The following CADPS variants were observed in gnomAD, a reference collection of about 807,000 sequenced individuals.
CADPS encodes calcium dependent secretion activator, also known as calcium-dependent secretion activator 1.
A neutral mutation model predicts 167.3 loss-of-function variants in CADPS; 57 were observed. That is an observed-to-expected ratio of 0.34 (90% CI 0.28 to 0.42). The LOEUF is 0.42. CADPS is among the 20% of genes least tolerant of loss of function. The probability of loss-of-function intolerance (pLI) is 1.00; values close to 1 mark genes in which losing one functional copy is unlikely to be tolerated. For missense variants in CADPS, 1,414 were observed against 1,738.1 expected, an observed-to-expected ratio of 0.81 and a Z score of 3.32; for synonymous variants, 676 against 635.3, an observed-to-expected ratio of 1.06 and a Z score of -0.96.
chr3:62,478,249 A>G lies in CADPS; in HGVS notation c.3329+12T>C. ...GAGGGTGTGCAGAACCTGTCCAGCC[A>G]CCTATACTTACCTTTTGACACAAGA... On this transcript the variant is annotated intron_variant, in intron 23 of 29. Coordinates refer to ENST00000383710, the MANE Select transcript of CADPS (RefSeq NM_003716.4). The surrounding 1 kb of genome is among the most constrained non-coding windows in gnomAD (Gnocchi z 5.7). 1 of 1,613,406 alleles carries G rather than the reference A, an allele frequency of 6.2e-7. No homozygotes were observed. Among genetic ancestry groups the G allele is most frequent in the Non-Finnish European group, 8.5e-7 (1 of 1,179,726 alleles).
At chr3:62,810,724 G>A (rs189832585) in intron 1 of CADPS, among the ~76,000 whole-genome samples, 5 of 152,330 alleles carry the variant, frequency 3.3e-5, no homozygotes, top group African/African-American at 1.2e-4. Flanking sequence ...TCACTCTTGA[G>A]TGTCTTTGTT....
chr3:62,618,934 A>G (rs1277982706), intron 6 of CADPS, among the ~76,000 whole-genome samples: 3 of 152,224 alleles, frequency 2.0e-5, no homozygotes, highest in Non-Finnish European at 4.4e-5. Flanking sequence ...GGATTGTTGT[A>G]TAATAATCTT....
intron 3 of CADPS, among the ~76,000 whole-genome samples, chr3:62,694,454 C>A (rs1251300184): frequency 1.3e-5 from 2 of 152,032 alleles, no homozygotes; most frequent in East Asian, 1.9e-4. Context: ...GAGACCAACA[C>A]TGAGTCCTTA....
chr3:62,778,433 T>C (rs1483942039), intron 1 of CADPS, among the ~76,000 whole-genome samples: 2 of 152,236 alleles, frequency 1.3e-5, no homozygotes, highest in African/African-American at 4.8e-5. Flanking sequence ...CCCTTCACTT[T>C]CTTCACTTGG....
chr3:62,810,879 A>C (rs543103329), intron 1 of CADPS, among the ~76,000 whole-genome samples: 1 of 152,240 alleles, frequency 6.6e-6, no homozygotes. Flanking sequence ...AGAGCTGTGC[A>C]CAAAGCACAA....
Position 62,442,783 on chromosome 3 carries a change from T to G in CADPS, c.3669+2982A>C, listed in dbSNP as rs531621480. Among the ~76,000 whole-genome samples the G allele has an allele frequency of 2.4e-4, 37 of 152,262 alleles. No homozygotes were observed. In the South Asian group the frequency reaches 7.3e-3, roughly 30 times the overall value. ...CACTCTGCTTATTCACCAGGTGACC[T>G]TGGGCATGCTAATTAACCTCTTTGT... On this transcript the variant is annotated intron_variant, in intron 27 of 29. Transcript: ENST00000383710.
rs1008618776 is a variant in CADPS at position 62,487,207 on chromosome 3, T to C, written c.3026+4132A>G. ...TAAGTAAAGATTGAGTGACCATCTG[T>C]CAGGGAAAAGGTAGTAGGCAAGGGT... On this transcript the variant is annotated intron_variant, in intron 21 of 29. Coordinates refer to ENST00000383710, the MANE Select transcript of CADPS (RefSeq NM_003716.4). Among the ~76,000 whole-genome samples, 36 of 152,302 alleles carry C rather than the reference T, an allele frequency of 2.4e-4. 2 individuals carry two copies. The highest frequency in any genetic ancestry group is 4.6e-4 in the Non-Finnish European group (31 of 68,020).
chr3:62,472,530 G>C (rs567758774), intron 24 of CADPS, among the ~76,000 whole-genome samples: 1 of 152,186 alleles, frequency 6.6e-6, no homozygotes, highest in Non-Finnish European at 1.5e-5. Context: ...AGCAGCTTAG[G>C]TGGGTGGTGG....
chr3:62,665,864 T>A (rs531332366), intron 3 of CADPS, among the ~76,000 whole-genome samples: 2 of 152,196 alleles, frequency 1.3e-5, no homozygotes, highest in Non-Finnish European at 2.9e-5. Context: ...GAGGTTGTCA[T>A]GAGAATCAAC....
At chr3:62,798,661 A>G (rs1460962743) in intron 1 of CADPS, among the ~76,000 whole-genome samples, 1 of 148,282 alleles carries the variant, frequency 6.7e-6, no homozygotes, top group African/African-American at 2.6e-5. Flanking sequence ...TCATCTTTTA[A>G]AGTTCAGCCC....
intron 13 of CADPS, chr3:62,530,643 T>A: frequency 1.6e-5 from 21 of 1,282,280 alleles, no homozygotes; most frequent in Non-Finnish European, 2.1e-5. Flanking sequence ...AATACACACA[T>A]AACTTCTTAC....
chr3:62,804,479 G>C (rs1260758551), intron 1 of CADPS, among the ~76,000 whole-genome samples: 2 of 152,086 alleles, frequency 1.3e-5, no homozygotes, highest in Non-Finnish European at 2.9e-5. Context: ...TTGAAGGACA[G>C]CCCTTATTTA....
chr3:62,492,156 G>T (rs73092144), intron 20 of CADPS, 134 bp downstream of exon 20: 9 of 731,860 alleles, frequency 1.2e-5, no homozygotes, highest in African/African-American at 1.8e-5. Flanking sequence ...TTTCTTTTTG[G>T]GGGGTGGGGT....
chr3:62,467,422 T>G (rs2060069519), intron 24 of CADPS: 1 of 528,960 alleles, frequency 1.9e-6, no homozygotes, highest in Non-Finnish European at 2.8e-6. Flanking sequence ...TATTCAAAAG[T>G]CTATGTAAAC....
intron 1 of CADPS, among the ~76,000 whole-genome samples, chr3:62,804,074 C>T (rs1442289243): frequency 6.6e-6 from 1 of 152,098 alleles, no homozygotes; most frequent in Non-Finnish European, 1.5e-5. Flanking sequence ...CCTCCCTGCT[C>T]CTTGAACAGC....
intron 8 of CADPS, among the ~76,000 whole-genome samples, chr3:62,583,400 T>C (rs1430714835): frequency 6.6e-6 from 1 of 152,136 alleles, no homozygotes; most frequent in Non-Finnish European, 1.5e-5. Context: ...TGTCAGAATA[T>C]ATACCAGGAG....
intron 29 of CADPS, among the ~76,000 whole-genome samples, chr3:62,402,242 G>C (rs971836123): frequency 1.7e-4 from 13 of 76,490 alleles, no homozygotes; most frequent in South Asian, 8.5e-4. Flanking sequence ...GTGGGGGCGG[G>C]GGGGGGGGGT....
intron 6 of CADPS, among the ~76,000 whole-genome samples, chr3:62,606,395 G>A (rs1259454936): frequency 6.6e-6 from 1 of 152,018 alleles, no homozygotes; most frequent in Non-Finnish European, 1.5e-5. Flanking sequence ...TGAGACTTGT[G>A]GCTTTATAAA....
At chr3:62,489,148 C>T (rs1342402189) in intron 21 of CADPS, among the ~76,000 whole-genome samples, 2 of 151,454 alleles carry the variant, frequency 1.3e-5, no homozygotes, top group East Asian at 3.9e-4. Flanking sequence ...AAGTAGCAGT[C>T]ATGTGTTAAA....
Sources: gnomAD v4.1 joint callset for allele counts (sites outside exome capture counted in the v4.1 genomes callset) on GRCh38, gnomAD v4.1.1 for gene constraint, Gnocchi (gnomAD v3.1) non-coding constraint, MANE v1.5 for transcripts, NCBI Gene and HGNC (gene_info 2026-07-23, HGNC 2026-07-21) for gene names.